The following MACROD2 variants were observed in gnomAD, a reference collection of about 807,000 sequenced individuals.
MACROD2 encodes ADP-ribose glycohydrolase MACROD2.
MACROD2 carries 36 observed loss-of-function variants against 70.4 expected under a neutral mutation model. The observed-to-expected ratio is 0.51, with a 90% CI of 0.39 to 0.68. MACROD2 has a LOEUF of 0.68. MACROD2 is among the 30% of genes least tolerant of loss of function. The pLI is 0.00. For synonymous variants in MACROD2, 172 were observed against 178.8 expected (o/e 0.96, Z 0.30); for missense variants, 496 against 538.4 (o/e 0.92, Z 0.78).
At chr20:15,492,756 A>G (rs906476750) in intron 7 of MACROD2, among the ~76,000 whole-genome samples, 1 of 152,212 alleles carries the variant, frequency 6.6e-6, no homozygotes, top group African/African-American at 2.4e-5. Context: ...AATAAAAATA[A>G]CACGGTGCCA....
At chr20:15,658,267 A>G (rs463020) in intron 8 of MACROD2, among the ~76,000 whole-genome samples, 54,765 of 148,078 alleles carry the variant, frequency 0.37, 11,367 homozygotes, top group South Asian at 0.47. Context: ...TCGCTATGCA[A>G]TTTGACTTAT....
At chr20:14,099,133 C>T (rs887572499) in intron 3 of MACROD2, among the ~76,000 whole-genome samples, 8 of 152,204 alleles carry the variant, frequency 5.3e-5, no homozygotes, top group African/African-American at 1.9e-4. Context: ...CAAAAATTAG[C>T]CGGGCGTGGT....
chr20:16,004,796 G>A (rs2066765219), intron 15 of MACROD2, among the ~76,000 whole-genome samples: 1 of 152,230 alleles, frequency 6.6e-6, no homozygotes, highest in African/African-American at 2.4e-5. Flanking sequence ...CCGTCTTGCA[G>A]TACTCTCTCT....
intron 5 of MACROD2, among the ~76,000 whole-genome samples, chr20:15,023,110 G>C (rs2075202123): frequency 6.6e-6 from 1 of 152,008 alleles, no homozygotes; most frequent in Non-Finnish European, 1.5e-5. Context: ...CCCAGATCAG[G>C]CTTCAGTTCC....
rs142075990 is a variant in MACROD2, at chr20:15,050,623, G to C, written c.419-179317G>C. The stretch of plus-strand genomic sequence containing the variant: ...GTGGCATGATCTTGGCTCACTGCAA[G>C]CTCCGCCTCCTGGGTTCACGCTAGG... On this transcript the variant is annotated intron_variant, in intron 5 of 17. Coordinates refer to ENST00000684519, the MANE Select transcript of MACROD2 (RefSeq NM_001351661.2). Among the ~76,000 whole-genome samples, 1,063 of 132,118 alleles carry C rather than the reference G, an allele frequency of 8.0e-3. 12 individuals carry two copies. The highest frequency in any genetic ancestry group is 0.029 in the African/African-American group (991 of 34,480). The allele number at this position is 132,118 out of a possible 152,430, so 86.7% of individuals were successfully genotyped here. A position where few individuals can be genotyped will look rare whatever the true frequency, so the allele number is the denominator to read the frequency against.
At chr20:14,760,214 G>A (rs1425869751) in intron 5 of MACROD2, among the ~76,000 whole-genome samples, 1 of 152,080 alleles carries the variant, frequency 6.6e-6, no homozygotes, top group Non-Finnish European at 1.5e-5. Context: ...GCTGGGGGCA[G>A]GGTGGAGTGA....
intron 10 of MACROD2, among the ~76,000 whole-genome samples, chr20:15,892,051 G>A (rs936840235): frequency 6.6e-6 from 1 of 152,140 alleles, no homozygotes; most frequent in African/African-American, 2.4e-5. Context: ...AAACCACCAG[G>A]TGCCTAGAAA....
chr20:14,477,884 G>C (rs1378261456), intron 3 of MACROD2, among the ~76,000 whole-genome samples: 1 of 152,140 alleles, frequency 6.6e-6, no homozygotes, highest in Non-Finnish European at 1.5e-5. Flanking sequence ...TAAGGGCAAA[G>C]AGGTATCAGA....
At chr20:15,650,755 A>G (rs1249110968) in intron 8 of MACROD2, among the ~76,000 whole-genome samples, 1 of 152,214 alleles carries the variant, frequency 6.6e-6, no homozygotes, top group African/African-American at 2.4e-5. Context: ...ATGAATTAAA[A>G]TACAACCTAG....
At chr20:14,386,146 G>T (rs1360361818) in intron 3 of MACROD2, among the ~76,000 whole-genome samples, 1 of 152,194 alleles carries the variant, frequency 6.6e-6, no homozygotes, top group Non-Finnish European at 1.5e-5. Flanking sequence ...TTTACCAAAT[G>T]AGGACATGAA....
chr20:15,040,598 T>C (rs1265934610), intron 5 of MACROD2, among the ~76,000 whole-genome samples: 2 of 152,172 alleles, frequency 1.3e-5, no homozygotes, highest in Admixed American at 1.3e-4. Flanking sequence ...TTCATTCCCT[T>C]GTATGGATTG....
chr20:15,800,728 C>T (rs1177109068), intron 8 of MACROD2, among the ~76,000 whole-genome samples: 4 of 151,510 alleles, frequency 2.6e-5, no homozygotes, highest in Non-Finnish European at 4.4e-5. Flanking sequence ...ATGACAATGG[C>T]GGTTTTGTGG....
intron 3 of MACROD2, among the ~76,000 whole-genome samples, chr20:14,113,490 A>C (rs892258706): frequency 6.6e-6 from 1 of 152,054 alleles, no homozygotes; most frequent in African/African-American, 2.4e-5. Context: ...GCTTAGCTAC[A>C]TCTCTCTACA....
chr20:15,995,846 A>T (rs2066623838), intron 15 of MACROD2, among the ~76,000 whole-genome samples: 1 of 118,852 alleles, frequency 8.4e-6, no homozygotes, highest in South Asian at 2.9e-4. Context: ...CATATTATGT[A>T]TACAAATGTG....
intron 5 of MACROD2, among the ~76,000 whole-genome samples, chr20:15,055,510 C>T (rs1408498080): frequency 6.6e-6 from 1 of 152,114 alleles, no homozygotes; most frequent in African/African-American, 2.4e-5. Context: ...GTATTTTCTC[C>T]CCCTCTTTCT....
chr20:14,691,380 A>AC (rs1021793460), intron 5 of MACROD2, among the ~76,000 whole-genome samples: 1 of 152,208 alleles, frequency 6.6e-6, no homozygotes, highest in African/African-American at 2.4e-5. Flanking sequence ...CCTCAAGAGA[A>AC]CATTACCTTG....
chr20:14,912,748 CAAT>C (rs1361697552), intron 5 of MACROD2, among the ~76,000 whole-genome samples: 1 of 152,088 alleles, frequency 6.6e-6, no homozygotes, highest in African/African-American at 2.4e-5. Context: ...AAAAATCACA[CAAT>C]GAGACAAGGA....
At chr20:15,754,342 G>T (rs954259804) in intron 8 of MACROD2, among the ~76,000 whole-genome samples, 2 of 152,200 alleles carry the variant, frequency 1.3e-5, no homozygotes, top group Admixed American at 1.3e-4. Flanking sequence ...CTTAGTCTAG[G>T]CCAAGCGCGG....
chr20:15,283,480 C>T (rs2146092443), intron 6 of MACROD2, among the ~76,000 whole-genome samples: 1 of 152,216 alleles, frequency 6.6e-6, no homozygotes, highest in Admixed American at 6.5e-5. Context: ...CAAGACCAGC[C>T]TGGCCAACAT....
Sources: gnomAD v4.1 joint callset for allele counts (sites outside exome capture counted in the v4.1 genomes callset) on GRCh38, gnomAD v4.1.1 for gene constraint, MANE v1.5 for transcripts, NCBI Gene and HGNC (gene_info 2026-07-23, HGNC 2026-07-21) for gene names.